TOP3A: variants seen among roughly 807,000 people sequenced by gnomAD.
TOP3A encodes the protein DNA topoisomerase III alpha, also known as DNA topoisomerase 3-alpha.
TOP3A carries 64 observed loss-of-function variants against 111.3 expected under a neutral mutation model. The ratio of observed to expected loss-of-function variants is 0.57; its 90% CI spans 0.47 to 0.71. The LOEUF is 0.71. Among genes scored for constraint, TOP3A ranks in the 30% least tolerant of loss-of-function variants. TOP3A has a pLI of 0.00. For synonymous variants in TOP3A, 484 were observed against 485.1 expected, an observed-to-expected ratio of 1.00 and a Z score of 0.03; for missense variants, 1,104 against 1,285.0, an observed-to-expected ratio of 0.86 and a Z score of 2.15.
intron 15 of TOP3A, among the ~76,000 whole-genome samples, chr17:18,284,908 C>A (rs1979991302): frequency 1.3e-5 from 2 of 152,274 alleles, no homozygotes; most frequent in Non-Finnish European, 1.5e-5. Context: ...TGTAAAAGAA[C>A]CCAGAGAAGA....
intron 1 of TOP3A, among the ~76,000 whole-genome samples, chr17:18,309,721 T>A (rs1981796235): frequency 6.7e-6 from 1 of 149,192 alleles, no homozygotes. Flanking sequence ...TTTTTTTTTT[T>A]TTTTTTGAGA....
At chr17:18,285,005 T>C (rs1979996901) in intron 15 of TOP3A, 137 bp downstream of exon 15, 2 of 993,488 alleles carry the variant, frequency 2.0e-6, no homozygotes, top group Admixed American at 2.2e-5. Context: ...AAACTCTGAC[T>C]GGCCCAGATG....
chr17:18,290,399 G>GT, intron 13 of TOP3A, 158 bp downstream of exon 13: 3 of 813,568 alleles, frequency 3.7e-6, no homozygotes, highest in Non-Finnish European at 5.2e-6. Context: ...GTGAACTTAG[G>GT]TAAGTTCTTA....
intron 18 of TOP3A, among the ~76,000 whole-genome samples, chr17:18,276,511 GAC>G (rs552743889): frequency 7.9e-5 from 12 of 152,330 alleles, no homozygotes; most frequent in Admixed American, 7.2e-4. Context: ...CCGGGCTAGT[GAC>G]ACATGTGTAA....
chr17:18,304,346 G>A (rs1043688893), intron 5 of TOP3A, among the ~76,000 whole-genome samples: 14 of 152,116 alleles, frequency 9.2e-5, no homozygotes, highest in African/African-American at 3.4e-4. Context: ...GTTCTGTAGG[G>A]GAATTTCATG....
At chr17:18,292,894 T>C (rs1276563615) in intron 10 of TOP3A, 42 bp from the exon 11 acceptor site, 5 of 1,565,928 alleles carry the variant, frequency 3.2e-6, no homozygotes, top group Non-Finnish European at 4.4e-6. Context: ...ATTGCTAGGC[T>C]CTCTGATTGG....
intron 1 of TOP3A, chr17:18,313,590 AAG>A (rs1555573099): frequency 0.046 from 6,863 of 148,780 alleles, 473 homozygotes; most frequent in African/African-American, 0.16. Context: ...AAAAAAAAAA[AAG>A]GGAGAGAGAG....
intron 9 of TOP3A, among the ~76,000 whole-genome samples, chr17:18,298,573 A>G (rs1188847662): frequency 1.3e-5 from 2 of 151,436 alleles, no homozygotes; most frequent in South Asian, 4.2e-4. Flanking sequence ...CTCATTGAGA[A>G]CGGGCCATGA....
rs1307455411 is a variant in TOP3A at position 18,278,134 on chromosome 17, CA to C, written c.2367del (p.Ser791ProfsTer21). The C allele has an allele frequency of 1.2e-6, 2 of 1,614,240 alleles. No homozygotes were observed. Among genetic ancestry groups the C allele is most frequent in the Non-Finnish European group, 1.7e-6 (2 of 1,180,040 alleles). Reference protein sequence around the residue: ...QHPQPADSRQTGSSKALAQTL... With the variant: ...QHPQPADSRQXGSSKALAQTL... ...GTCTGGGCCAGAGCCTTTGAGGACC[CA>C]GTCTGTCTGCTGTCAGCAGGCTGGG... On this transcript the variant is annotated frameshift_variant, in exon 18 of 19. Coordinates refer to ENST00000321105, the MANE Select transcript of TOP3A (RefSeq NM_004618.5). LOFTEE classifies it high-confidence loss of function.
rs1295722993 is a variant in TOP3A, at chr17:18,273,863, A to G, written c.*939T>C. The G allele has an allele frequency of 6.6e-6, 1 of 152,248 alleles. No individual in the cohort carries two copies. Among genetic ancestry groups the G allele is most frequent in the Non-Finnish European group, 1.5e-5 (1 of 68,066 alleles). 9.4% of individuals were successfully genotyped at this position (152,248 alleles called of 1,614,324 possible). ...GGTCTTGAACTCCTGATCTCAAGCA[A>G]TCCTCCAGCCTTGGCCTCCCTAAGT... On this transcript the variant is annotated 3_prime_UTR_variant, in exon 19 of 19. Coordinates refer to ENST00000321105, the MANE Select transcript of TOP3A (RefSeq NM_004618.5).
rs144665877 is a variant in TOP3A at position 18,277,984 on chromosome 17, C to T, written c.2518G>A (p.Gly840Arg). Reference protein sequence around the residue: ...NRGRQFFKCNGGSCNFFLWAD... With the variant: ...NRGRQFFKCNRGSCNFFLWAD... ...CACAGGAAGAAGTTGCAGCTACCTCCGTTGCACTTAAAGAACTGCCGGCCC... is the reference window on the plus strand; with the variant it reads ...CACAGGAAGAAGTTGCAGCTACCTCTGTTGCACTTAAAGAACTGCCGGCCC... Residue 840 changes from glycine to arginine, a missense_variant, in exon 18 of 19, where the codon GGA becomes AGA. Gly to Arg is a moderately radical substitution (Grantham distance 125). Transcript: ENST00000321105. The T allele has an allele frequency of 1.8e-4, 291 of 1,614,074 alleles. No homozygotes were observed. In the East Asian group the frequency reaches 3.4e-3, roughly 19 times the overall value.
At chr17:18,303,848 C>A (rs1981390372) in intron 5 of TOP3A, among the ~76,000 whole-genome samples, 1 of 152,154 alleles carries the variant, frequency 6.6e-6, no homozygotes, top group Non-Finnish European at 1.5e-5. Context: ...CTTTTCTTCC[C>A]CTTTACTTTG....
chr17:18,314,520 G>T, intron 1 of TOP3A, 79 bp downstream of exon 1: 2 of 1,467,918 alleles, frequency 1.4e-6, no homozygotes, highest in South Asian at 1.3e-5. Context: ...CCTTCATCTC[G>T]ATTCTTGGCG....
At position 18,274,181 on chromosome 17, in the gene TOP3A, C is replaced by G. The variant is rs1006686048; in HGVS notation, c.*621G>C. On this transcript the variant is annotated 3_prime_UTR_variant, in exon 19 of 19. Transcript: ENST00000321105. ...CGAACTCCTGAGCTCAGGCAATCCGCCCCCCACAGCCTCCCAAAGTGCTGG... is the reference window on the plus strand; with the variant it reads ...CGAACTCCTGAGCTCAGGCAATCCGGCCCCCACAGCCTCCCAAAGTGCTGG... 1.3e-5 allele frequency: 2 copies of G among 152,326 alleles called. No individual in the cohort carries two copies. Among genetic ancestry groups the G allele is most frequent in the Admixed American group, 1.3e-4 (2 of 15,272 alleles). The allele number at this position is 152,326 out of a possible 1,614,324, so 9.4% of individuals were successfully genotyped here.
rs760731049 is a variant in TOP3A at position 18,285,474 on chromosome 17, C to T, written c.1644G>A (p.Arg548=). 6.2e-7 allele frequency: 1 copy of T among 1,614,152 alleles called. No individual in the cohort carries two copies. The highest frequency in any genetic ancestry group is 1.7e-5 in the Admixed American group (1 of 60,016). Residue 548 remains arginine, a synonymous_variant, in exon 14 of 19, where the codon CGG becomes CGA. Transcript: ENST00000321105. The part of the protein sequence containing the change: ...HAEHIETIKA[R]MYVGLTPDKR... ...TGTCTGGGGTGAGGCCCACGTACATCCGGGCTTTGATGGTCTCGATGTGCT... is the reference window on the plus strand; with the variant it reads ...TGTCTGGGGTGAGGCCCACGTACATTCGGGCTTTGATGGTCTCGATGTGCT...
At chr17:18,302,062 TG>T in intron 7 of TOP3A, 77 bp from the exon 8 acceptor site, 1 of 1,486,816 alleles carries the variant, frequency 6.7e-7, no homozygotes, top group Admixed American at 2.0e-5. Flanking sequence ...AAAGGTTTAT[TG>T]TGGTGAAAGT....
chr17:18,309,631 G>C (rs532788197), intron 1 of TOP3A, among the ~76,000 whole-genome samples: 9 of 151,574 alleles, frequency 5.9e-5, no homozygotes, highest in African/African-American at 2.2e-4. Context: ...GTGACAGAGC[G>C]AGACTGTCTC....
chr17:18,292,852 C>T lies in TOP3A; in HGVS notation c.1074G>A (p.Gly358=). 1 of 1,604,672 alleles carries T rather than the reference C, an allele frequency of 6.2e-7. No individual in the cohort carries two copies. Among genetic ancestry groups the T allele is most frequent in the South Asian group, 1.1e-5 (1 of 90,130 alleles). ...TTTCTGTTCGGGGATAGCTGATGTA[C>T]CTAAAACCAAGGCAAACAAACAGAA... ...MRIAEKLYTQ[G]YISYPRTETN... is the part of the protein sequence containing the mutation. Residue 358 remains glycine (G), a splice_region_variant and synonymous_variant, in exon 11 of 19, where the codon GGG becomes GGA. Transcript: ENST00000321105.
rs1482877002 is a variant in TOP3A at position 18,310,670 on chromosome 17, G to GA, written c.181-1730dup. Among the ~76,000 whole-genome samples the GA allele has an allele frequency of 3.3e-5, 5 of 151,560 alleles. No homozygotes were observed. The East Asian group carries it at 5.8e-4, about 18-fold the overall frequency. On this transcript the variant is annotated intron_variant, in intron 1 of 18. Coordinates refer to ENST00000321105, the MANE Select transcript of TOP3A (RefSeq NM_004618.5). ...TGGATATGAGGCTTCCTCTTGGGGTGAAAAAAAACCTTCTGGAACTAGATA... is the reference window on the plus strand; with the variant it reads ...TGGATATGAGGCTTCCTCTTGGGGTGAAAAAAAAACCTTCTGGAACTAGATA...
Sources: allele counts gnomAD v4.1 joint callset (sites outside exome capture counted in the v4.1 genomes callset), GRCh38; gene constraint gnomAD v4.1.1; transcripts MANE v1.5; gene names NCBI Gene and HGNC (gene_info 2026-07-23, HGNC 2026-07-21).